LARP4B: variants seen among roughly 807,000 people sequenced by gnomAD.
LARP4B encodes the protein La ribonucleoprotein 4B.
In LARP4B, 12 loss-of-function variants were observed where a neutral mutation model predicts 89.8. The observed-to-expected ratio is 0.13, with a 90% CI of 0.09 to 0.22. The LOEUF (loss-of-function observed/expected upper bound fraction) is 0.22, where lower values mean the gene tolerates loss of function less well. Ranked by LOEUF, LARP4B falls within the 10% of genes least tolerant of loss-of-function variation. LARP4B has a pLI of 1.00. For missense variants in LARP4B, 757 were observed against 947.7 expected, an observed-to-expected ratio of 0.80 and a Z score of 2.64; for synonymous variants, 367 against 363.3, an observed-to-expected ratio of 1.01 and a Z score of -0.12.
chr10:877,066 C>A (rs1010742541), intron 3 of LARP4B, among the ~76,000 whole-genome samples: 1 of 152,198 alleles, frequency 6.6e-6, no homozygotes, highest in Non-Finnish European at 1.5e-5. Flanking sequence ...CGAGGCGGCT[C>A]TGGGCAGCAA....
chr10:967,716 G>A, the LARP4B span, among the ~76,000 whole-genome samples: 16 of 152,266 alleles, frequency 1.1e-4, no homozygotes, highest in African/African-American at 3.9e-4. Flanking sequence ...AGGAATGCCG[G>A]GAATTCCGTG....
At chr10:946,362 C>T in the LARP4B span, among the ~76,000 whole-genome samples, 10 of 152,330 alleles carry the variant, frequency 6.6e-5, no homozygotes, top group African/African-American at 1.9e-4. Flanking sequence ...CCAATTACAT[C>T]AGCTGCCTCT....
the LARP4B span, among the ~76,000 whole-genome samples, chr10:981,921 T>G: frequency 6.6e-6 from 1 of 152,162 alleles, no homozygotes; most frequent in East Asian, 1.9e-4. Context: ...GTAAAAGAAA[T>G]GGCACTTGTT....
chr10:901,349 T>C (rs113897974), intron 1 of LARP4B, among the ~76,000 whole-genome samples: 8 of 152,340 alleles, frequency 5.3e-5, no homozygotes, highest in South Asian at 2.1e-4. Context: ...TTGGATGATA[T>C]GGTTTATCTC....
At chr10:848,213 T>C (rs1175661965) in intron 5 of LARP4B, among the ~76,000 whole-genome samples, 3 of 151,756 alleles carry the variant, frequency 2.0e-5, no homozygotes, top group Non-Finnish European at 4.4e-5. Flanking sequence ...GCCTCGGTGA[T>C]AGGAACAGGC....
intron 7 of LARP4B, among the ~76,000 whole-genome samples, chr10:836,936 G>A (rs748630373): frequency 5.3e-5 from 8 of 152,106 alleles, no homozygotes; most frequent in Non-Finnish European, 7.3e-5. Flanking sequence ...TTTAGATTTC[G>A]CCAGTTTTTA....
At chr10:830,040 TACTGAGTTCCTAGTATTCATCCCA>T (rs1832820010) in intron 9 of LARP4B, among the ~76,000 whole-genome samples, 1 of 152,214 alleles carries the variant, frequency 6.6e-6, no homozygotes, top group African/African-American at 2.4e-5. Context: ...AAATGATGAA[TACTGAGTTCCTAGTATTCATCCCA>T]ATTTCAGATT....
intron 5 of LARP4B, among the ~76,000 whole-genome samples, chr10:849,147 A>G (rs1178404188): frequency 6.6e-6 from 1 of 152,072 alleles, no homozygotes; most frequent in Non-Finnish European, 1.5e-5. Flanking sequence ...AACAAAGAAG[A>G]AGGCTGCTCC....
chr10:850,498 A>C (rs1833987741), intron 5 of LARP4B, among the ~76,000 whole-genome samples: 2 of 152,224 alleles, frequency 1.3e-5, no homozygotes. Context: ...AAACTGATAA[A>C]ACTAAAAGGA....
Position 814,884 on chromosome 10 carries a change from G to A in LARP4B, c.1821-34C>T. 1.3e-6 allele frequency: 2 copies of A among 1,580,328 alleles called. No homozygotes were observed. The highest frequency in any genetic ancestry group is 1.7e-6 in the Non-Finnish European group (2 of 1,158,226). On this transcript the variant is annotated intron_variant, in intron 16 of 17. Coordinates refer to ENST00000316157, the MANE Select transcript of LARP4B (RefSeq NM_015155.3). The surrounding 1 kb of genome is among the most constrained non-coding windows in gnomAD (Gnocchi z 4.4). ...ATGCCACCCGATATTTGAATCTCATGCAACATCACAGGCCATTCAAGTCAG... is the reference window on the plus strand; with the variant it reads ...ATGCCACCCGATATTTGAATCTCATACAACATCACAGGCCATTCAAGTCAG...
the LARP4B span, among the ~76,000 whole-genome samples, chr10:969,830 A>G: frequency 6.6e-6 from 1 of 152,218 alleles, no homozygotes; most frequent in African/African-American, 2.4e-5. Context: ...TTTTATGGAG[A>G]TGTCCAAAAG....
chr10:833,424 T>A (rs1833034968), intron 8 of LARP4B, among the ~76,000 whole-genome samples: 1 of 151,070 alleles, frequency 6.6e-6, no homozygotes, highest in African/African-American at 2.4e-5. Flanking sequence ...ATACCTAATA[T>A]GCCAAAAAAG....
chr10:899,503 A>G (rs538383061), intron 1 of LARP4B, among the ~76,000 whole-genome samples: 3 of 152,340 alleles, frequency 2.0e-5, no homozygotes, highest in African/African-American at 7.2e-5. Context: ...TGAGAACAGG[A>G]CAGAAATACA....
Position 822,595 on chromosome 10 carries a change from T to C in LARP4B, c.1485-1750A>G, listed in dbSNP as rs935506849. On this transcript the variant is annotated intron_variant, in intron 13 of 17. Coordinates refer to ENST00000316157, the MANE Select transcript of LARP4B (RefSeq NM_015155.3). The surrounding 1 kb of genome is among the most constrained non-coding windows in gnomAD (Gnocchi z 4.6). Reference sequence around the variant, plus strand: ...GAACACTGTCAGCTGTCAGTGCCCATCATGCAGAGAGCAGGTTGGCTGAGC... The same window carrying C: ...GAACACTGTCAGCTGTCAGTGCCCACCATGCAGAGAGCAGGTTGGCTGAGC... Among the ~76,000 whole-genome samples, 10 of 152,188 alleles carry C rather than the reference T, an allele frequency of 6.6e-5. No individual in the cohort carries two copies. Among genetic ancestry groups the C allele is most frequent in the Non-Finnish European group, 1.0e-4 (7 of 68,026 alleles).
intron 8 of LARP4B, among the ~76,000 whole-genome samples, chr10:835,812 A>C (rs1166175580): frequency 6.6e-6 from 1 of 152,154 alleles, no homozygotes; most frequent in African/African-American, 2.4e-5. Flanking sequence ...AGGCGCCTGT[A>C]ATCCCAGCTA....
At chr10:884,374 T>C (rs1348030820) in intron 3 of LARP4B, 73 bp downstream of exon 3, 2 of 1,067,208 alleles carry the variant, frequency 1.9e-6, no homozygotes, top group East Asian at 4.8e-5. Context: ...ACAATAAACA[T>C]TTTTCTTAAG....
chr10:968,560 C>T, the LARP4B span, among the ~76,000 whole-genome samples: 1 of 143,328 alleles, frequency 7.0e-6, no homozygotes, highest in Non-Finnish European at 1.5e-5. Context: ...ATCTAAGGAA[C>T]AAAGACAGGT....
the LARP4B span, among the ~76,000 whole-genome samples, chr10:961,393 T>C: frequency 6.7e-6 from 1 of 150,358 alleles, no homozygotes; most frequent in South Asian, 2.1e-4. Flanking sequence ...CATGGCGGCG[T>C]GGTGCCAGCA....
At chr10:980,555 G>A in the LARP4B span, among the ~76,000 whole-genome samples, 1 of 152,224 alleles carries the variant, frequency 6.6e-6, no homozygotes, top group Admixed American at 6.5e-5. Context: ...ACACCATGCA[G>A]GAGCTGCCAA....
Sources: gnomAD v4.1 joint callset for allele counts (sites outside exome capture counted in the v4.1 genomes callset) on GRCh38, gnomAD v4.1.1 for gene constraint, Gnocchi (gnomAD v3.1) non-coding constraint, MANE v1.5 for transcripts, NCBI Gene and HGNC (gene_info 2026-07-23, HGNC 2026-07-21) for gene names.